The following CIMAP1A variants were observed in gnomAD, a reference collection of about 807,000 sequenced individuals.
CIMAP1A encodes ciliary microtubule associated protein 1A.
chr11:199,345 G>A, the CIMAP1A span: 23 of 1,558,166 alleles, frequency 1.5e-5, no homozygotes, highest in Non-Finnish European at 1.9e-5. Context: ...GGCCGAGTTG[G>A]TCTGAGCCTC....
At chr11:200,256 T>A in the CIMAP1A span, 9 of 558,428 alleles carry the variant, frequency 1.6e-5, no homozygotes, top group Non-Finnish European at 2.5e-5. Context: ...CAGATTGCAT[T>A]AATAAGGGTT....
At chr11:198,057 AC>A in the CIMAP1A span, 1 of 1,543,330 alleles carries the variant, frequency 6.5e-7, no homozygotes, top group South Asian at 1.2e-5. Flanking sequence ...CATCCTGGAC[AC>A]CCCCTGACCC....
chr11:200,104 G>A, the CIMAP1A span: 1 of 1,535,132 alleles, frequency 6.5e-7, no homozygotes, highest in Non-Finnish European at 8.9e-7. Flanking sequence ...GCTCGAGGCT[G>A]TCTTCACCAG....
chr11:197,815 C>A, the CIMAP1A span: 1 of 1,581,640 alleles, frequency 6.3e-7, no homozygotes, highest in East Asian at 2.3e-5. Flanking sequence ...CCTGCCCCTC[C>A]CTGCTGGGTG....
chr11:197,914 G>A, the CIMAP1A span: 32 of 1,494,378 alleles, frequency 2.1e-5, no homozygotes, highest in East Asian at 7.4e-5. Flanking sequence ...GGTCACCATC[G>A]TGCCTGGGCA....
At chr11:200,022 G>A in the CIMAP1A span, 1 of 1,613,996 alleles carries the variant, frequency 6.2e-7, no homozygotes, top group Non-Finnish European at 8.5e-7. Context: ...CCTGCTGGTT[G>A]ATGTGGAATA....
the CIMAP1A span, chr11:200,148 G>T: frequency 1.0e-6 from 1 of 980,574 alleles, no homozygotes; most frequent in Non-Finnish European, 1.5e-6. Flanking sequence ...GCAGGGCAGA[G>T]CACGCTTGTT....
At chr11:197,424 G>C in the CIMAP1A span, 2 of 1,599,148 alleles carry the variant, frequency 1.3e-6, no homozygotes, top group Non-Finnish European at 1.7e-6. Flanking sequence ...GTAAGAGCCT[G>C]AGAGACTGTG....
chr11:197,815 C>G, the CIMAP1A span: 1 of 1,581,642 alleles, frequency 6.3e-7, no homozygotes, highest in Non-Finnish European at 8.6e-7. Context: ...CCTGCCCCTC[C>G]CTGCTGGGTG....
At chr11:199,966 C>A in the CIMAP1A span, 1 of 1,614,152 alleles carries the variant, frequency 6.2e-7, no homozygotes, top group Non-Finnish European at 8.5e-7. Flanking sequence ...AAGCCCTGCG[C>A]CCCAGTTGTC....
chr11:197,664 T>A, the CIMAP1A span: 112 of 1,613,584 alleles, frequency 6.9e-5, no homozygotes, highest in Non-Finnish European at 9.2e-5. Flanking sequence ...CCCGTTACAA[T>A]GTAAACCCCA....
At chr11:199,983 G>A in the CIMAP1A span, 50 of 1,613,950 alleles carry the variant, frequency 3.1e-5, 1 homozygote, top group Middle Eastern at 3.3e-4. Flanking sequence ...TGTCACCTTC[G>A]GCATCAAACA....
chr11:199,531 G>T, the CIMAP1A span: 1 of 1,548,914 alleles, frequency 6.5e-7, no homozygotes. Flanking sequence ...GCACAGCTCA[G>T]AGGGGTCAGG....
chr11:197,253 G>A, the CIMAP1A span: 1 of 1,354,482 alleles, frequency 7.4e-7, no homozygotes, highest in East Asian at 2.5e-5. Flanking sequence ...CATGGGACAG[G>A]GCCGGGCCTC....
chr11:199,911 T>A, the CIMAP1A span: 1,996 of 1,611,040 alleles, frequency 1.2e-3, 24 homozygotes, highest in African/African-American at 0.023. Context: ...GGGGCAGGGG[T>A]GCTGGTTCCT....
chr11:200,130 C>T, the CIMAP1A span: 1 of 1,314,512 alleles, frequency 7.6e-7, no homozygotes, highest in Non-Finnish European at 1.1e-6. Context: ...CTGGGCCAGC[C>T]TGGCCCTGCA....
the CIMAP1A span, chr11:198,279 T>C: frequency 1.2e-6 from 2 of 1,614,024 alleles, no homozygotes; most frequent in Non-Finnish European, 8.5e-7. Flanking sequence ...GACAAAGGCA[T>C]TCCGAGTGGA....
chr11:197,808 G>C, the CIMAP1A span: 2 of 1,589,064 alleles, frequency 1.3e-6, no homozygotes, highest in Non-Finnish European at 1.7e-6. Flanking sequence ...CCTCAGGCCT[G>C]CCCCTCCCTG....
chr11:199,448 G>A, the CIMAP1A span: 142 of 1,566,122 alleles, frequency 9.1e-5, no homozygotes, highest in Middle Eastern at 3.3e-4. Flanking sequence ...ATGGCTGCCC[G>A]TGTGGAGCCC....
Sources: gnomAD v4.1 joint callset for allele counts on GRCh38, gnomAD v4.1.1 for gene constraint, MANE v1.5 for transcripts, NCBI Gene and HGNC (gene_info 2026-07-23, HGNC 2026-07-21) for gene names.